The following STIM1 variants were observed in gnomAD, a reference collection of about 807,000 sequenced individuals.
STIM1 encodes the protein stromal interaction molecule 1.
In STIM1, 25 loss-of-function variants were observed where a neutral mutation model predicts 74.7. The ratio of observed to expected loss-of-function variants is 0.33; its 90% CI spans 0.24 to 0.47. The LOEUF (loss-of-function observed/expected upper bound fraction) is 0.47, where lower values mean the gene tolerates loss of function less well. Among genes scored for constraint, STIM1 ranks in the 20% least tolerant of loss-of-function variants. The pLI, the probability that STIM1 is intolerant of heterozygous loss-of-function variation, is 1.00. For synonymous variants in STIM1, 328 were observed against 348.8 expected, an observed-to-expected ratio of 0.94 and a Z score of 0.66; for missense variants, 728 against 920.8, an observed-to-expected ratio of 0.79 and a Z score of 2.71.
At chr11:4,055,956 A>C (rs2094286330) in intron 4 of STIM1, among the ~76,000 whole-genome samples, 1 of 152,234 alleles carries the variant, frequency 6.6e-6, no homozygotes, top group African/African-American at 2.4e-5. Flanking sequence ...CAGTCCTGTA[A>C]GGTGGGTATT....
At chr11:3,928,507 G>A (rs1565118469) in intron 1 of STIM1, among the ~76,000 whole-genome samples, 1 of 152,000 alleles carries the variant, frequency 6.6e-6, no homozygotes, top group Non-Finnish European at 1.5e-5. Context: ...GATTACAGAT[G>A]TGAGCCACAA....
At chr11:3,908,340 C>T (rs561679047) in intron 1 of STIM1, among the ~76,000 whole-genome samples, 9 of 152,294 alleles carry the variant, frequency 5.9e-5, no homozygotes, top group South Asian at 2.1e-4. Context: ...TGGCCAGGCA[C>T]GGCGGCTCAC....
intron 5 of STIM1, among the ~76,000 whole-genome samples, chr11:4,067,129 C>T (rs767281616): frequency 3.2e-4 from 48 of 152,198 alleles, no homozygotes; most frequent in Admixed American, 3.1e-3. Flanking sequence ...CCTACACGTT[C>T]GATCTCGTTA....
chr11:4,021,312 G>T (rs2093953665), intron 2 of STIM1, among the ~76,000 whole-genome samples: 1 of 152,164 alleles, frequency 6.6e-6, no homozygotes, highest in African/African-American at 2.4e-5. Flanking sequence ...TTTTAGTAGA[G>T]ATGGGGTTTC....
At chr11:3,868,463 A>G (rs1242233977) in intron 1 of STIM1, among the ~76,000 whole-genome samples, 1 of 152,258 alleles carries the variant, frequency 6.6e-6, no homozygotes, top group Non-Finnish European at 1.5e-5. Flanking sequence ...TCCCAAGACC[A>G]AAATTGTTTC....
At chr11:3,997,976 A>G (rs904629851) in intron 2 of STIM1, among the ~76,000 whole-genome samples, 2 of 152,190 alleles carry the variant, frequency 1.3e-5, no homozygotes, top group Non-Finnish European at 2.9e-5. Flanking sequence ...AAGCACTTAG[A>G]AAATATCCGT....
rs377701881 is a variant in STIM1, at chr11:3,954,688, A to G, written c.140-12864A>G. On this transcript the variant is annotated intron_variant, in intron 1 of 12. Coordinates refer to ENST00000526596, the MANE Select transcript of STIM1 (RefSeq NM_001382567.1). The stretch of plus-strand genomic sequence containing the variant: ...ATTTGCAGGTTAAGAAAGAAGTAAG[A>G]GCCTTCCATACCGAAAGAATTCTGA... Among the ~76,000 whole-genome samples the G allele has an allele frequency of 1.5e-4, 23 of 152,288 alleles. No individual in the cohort carries two copies. In the East Asian group the frequency reaches 2.5e-3, roughly 17 times the overall value.
intron 2 of STIM1, among the ~76,000 whole-genome samples, chr11:4,007,995 A>G (rs1406241698): frequency 6.6e-6 from 1 of 152,114 alleles, no homozygotes; most frequent in African/African-American, 2.4e-5. Flanking sequence ...GATACCCCAA[A>G]TTGTATAACA....
At chr11:3,899,505 T>A (rs776217234) in intron 1 of STIM1, among the ~76,000 whole-genome samples, 7,638 of 151,924 alleles carry the variant, frequency 0.05, 249 homozygotes, top group Middle Eastern at 0.12. Context: ...GAATACCCTT[T>A]ATTTCCTTCT....
chr11:4,075,688 C>A (rs2094433431), intron 7 of STIM1, among the ~76,000 whole-genome samples: 1 of 151,852 alleles, frequency 6.6e-6, no homozygotes, highest in South Asian at 2.1e-4. Context: ...TTGCTATGAA[C>A]CTTCTTGCAT....
Position 4,074,508 on chromosome 11 carries a change from C to A in STIM1, c.798C>A (p.His266Gln), listed in dbSNP as rs199615736. 4 of 1,613,712 alleles carry A rather than the reference C, an allele frequency of 2.5e-6. No homozygotes were observed. Among genetic ancestry groups the A allele is most frequent in the Admixed American group, 3.3e-5 (2 of 60,022 alleles). The change falls in exon 7 of 13, where the codon CAC (histidine) becomes CAA (glutamine). Residue 266 changes from histidine to glutamine, a missense_variant. Coordinates refer to ENST00000526596, the MANE Select transcript of STIM1 (RefSeq NM_001382567.1). ...CCCTGCATTGCCCCCCCAGGCTGCACAAGGCCCAGGAGGAGCACCGCACAG... is the reference window on the plus strand; with the variant it reads ...CCCTGCATTGCCCCCCCAGGCTGCAAAAGGCCCAGGAGGAGCACCGCACAG... ...QSLHDLQERL[H>Q]KAQEEHRTVE... is the part of the protein sequence containing the mutation.
chr11:4,085,904 C>T (rs1246897012), intron 11 of STIM1, among the ~76,000 whole-genome samples: 1 of 152,122 alleles, frequency 6.6e-6, no homozygotes, highest in Non-Finnish European at 1.5e-5. Flanking sequence ...TTTCCATTTT[C>T]TTCAAGTCTT....
At chr11:4,045,245 A>T (rs1191495057) in intron 3 of STIM1, among the ~76,000 whole-genome samples, 4 of 152,026 alleles carry the variant, frequency 2.6e-5, no homozygotes, top group Non-Finnish European at 5.9e-5. Flanking sequence ...GATGAGGTCG[A>T]CTTCCCTTGG....
At chr11:3,977,212 A>G (rs2093456697) in intron 2 of STIM1, among the ~76,000 whole-genome samples, 1 of 151,748 alleles carries the variant, frequency 6.6e-6, no homozygotes, top group Admixed American at 6.5e-5. Flanking sequence ...GTTATAGAAT[A>G]TGTGCTTAAT....
At chr11:3,869,254 C>T (rs2090985784) in intron 1 of STIM1, among the ~76,000 whole-genome samples, 1 of 152,212 alleles carries the variant, frequency 6.6e-6, no homozygotes, top group Non-Finnish European at 1.5e-5. Context: ...TAGGCGTGAG[C>T]CACCGCACCT....
intron 1 of STIM1, among the ~76,000 whole-genome samples, chr11:3,863,343 C>A (rs1224081834): frequency 6.7e-6 from 1 of 150,280 alleles, no homozygotes; most frequent in Non-Finnish European, 1.5e-5. Context: ...GTTGCCTCGA[C>A]CTTCCTGGGC....
Position 4,059,273 on chromosome 11 carries a change from C to A in STIM1, c.498-8C>A. On this transcript the variant is annotated splice_region_variant and splice_polypyrimidine_tract_variant and intron_variant, in intron 4 of 12. Coordinates refer to ENST00000526596, the MANE Select transcript of STIM1 (RefSeq NM_001382567.1). ...AGGGAACTGATCTGCTACTCTTTGC[C>A]TCAACAGGCTGGCTGTCACCAACAC... The A allele has an allele frequency of 6.2e-7, 1 of 1,613,258 alleles. No individual in the cohort carries two copies. The highest frequency in any genetic ancestry group is 1.1e-5 in the South Asian group (1 of 91,054).
rs1029537927 is a variant in STIM1 at position 4,082,449 on chromosome 11, T to C, written c.1137+98T>C. ...TCTCTCCCTCTCCCTGTTCCTCCCA[T>C]TGGGTGAAGAGATATCCTGGTGGTG... On this transcript the variant is annotated intron_variant, in intron 8 of 12. Transcript: ENST00000526596. 15 of 1,270,966 alleles carry C rather than the reference T, an allele frequency of 1.2e-5. No homozygotes were observed. In the Admixed American group the frequency reaches 1.2e-4, roughly 10 times the overall value. The allele number at this position is 1,270,966 out of a possible 1,614,324, so 78.7% of individuals were successfully genotyped here.
At position 4,084,310 on chromosome 11, in the gene STIM1, C is replaced by T. The variant is rs562794369; in HGVS notation, c.1475-363C>T. On this transcript the variant is annotated intron_variant, in intron 10 of 12. Coordinates refer to ENST00000526596, the MANE Select transcript of STIM1 (RefSeq NM_001382567.1). ...CCAGTTCAGCGGGAGGGCAGAAGGC[C>T]GGGGCTGGGTTAGGGGCTTACTTTC... Among the ~76,000 whole-genome samples, 18 of 152,302 alleles carry T rather than the reference C, an allele frequency of 1.2e-4. No homozygotes were observed. In the South Asian group the frequency reaches 3.3e-3, roughly 28 times the overall value.
Sources: gnomAD v4.1 joint callset for allele counts (sites outside exome capture counted in the v4.1 genomes callset) on GRCh38, gnomAD v4.1.1 for gene constraint, MANE v1.5 for transcripts, NCBI Gene and HGNC (gene_info 2026-07-23, HGNC 2026-07-21) for gene names.